GABRB2: variants seen among roughly 807,000 people sequenced by gnomAD.
The protein encoded by GABRB2 is gamma-aminobutyric acid receptor subunit beta-2.
GABRB2 carries 16 observed loss-of-function variants against 54.7 expected under a neutral mutation model. That is an observed-to-expected ratio of 0.29 (90% CI 0.20 to 0.44). The LOEUF (loss-of-function observed/expected upper bound fraction) is 0.44. Among genes scored for constraint, GABRB2 ranks in the 20% least tolerant of loss-of-function variants. GABRB2 has a pLI of 1.00. For synonymous variants in GABRB2, 244 were observed against 233.8 expected (o/e 1.04, Z -0.40); for missense variants, 355 against 644.0 (o/e 0.55, Z 4.86).
chr5:161,509,379 G>C (rs1192456402), intron 3 of GABRB2, among the ~76,000 whole-genome samples: 2 of 101,886 alleles, frequency 2.0e-5, no homozygotes, highest in South Asian at 3.1e-4. Context: ...TTCAATTTTA[G>C]CACTTCCCAC....
chr5:161,406,822 C>A (rs867876661), intron 5 of GABRB2, among the ~76,000 whole-genome samples: 6 of 152,002 alleles, frequency 3.9e-5, no homozygotes, highest in Non-Finnish European at 5.9e-5. Flanking sequence ...AGATGCCTGA[C>A]TGTCTGTCTC....
At chr5:161,524,127 T>C (rs1360852539) in intron 3 of GABRB2, among the ~76,000 whole-genome samples, 1 of 151,302 alleles carries the variant, frequency 6.6e-6, no homozygotes, top group African/African-American at 2.4e-5. Flanking sequence ...TCTGAGATTA[T>C]TTCTTCAGTA....
chr5:161,526,390 A>G (rs1189995729), intron 3 of GABRB2, among the ~76,000 whole-genome samples: 5 of 151,374 alleles, frequency 3.3e-5, no homozygotes, highest in Admixed American at 3.3e-4. Context: ...ACTCTAAAAC[A>G]GGTGTATGAG....
intron 8 of GABRB2, among the ~76,000 whole-genome samples, chr5:161,327,894 C>T (rs891903626): frequency 6.6e-6 from 1 of 152,014 alleles, no homozygotes; most frequent in Non-Finnish European, 1.5e-5. Context: ...AAAGAAGGGA[C>T]ATTCTTGATA....
At chr5:161,488,850 T>C (rs919812083) in intron 3 of GABRB2, among the ~76,000 whole-genome samples, 2 of 151,794 alleles carry the variant, frequency 1.3e-5, no homozygotes, top group Admixed American at 1.3e-4. Context: ...AAGCAATTGG[T>C]GTCATTCCTA....
At chr5:161,406,762 T>TA (rs1356977083) in intron 5 of GABRB2, among the ~76,000 whole-genome samples, 24 of 152,214 alleles carry the variant, frequency 1.6e-4, no homozygotes, top group Admixed American at 5.2e-4. Context: ...TCTGATGCTG[T>TA]CACAAAGGGC....
At chr5:161,362,291 T>C (rs1326257660) in intron 5 of GABRB2, among the ~76,000 whole-genome samples, 1 of 152,200 alleles carries the variant, frequency 6.6e-6, no homozygotes, top group African/African-American at 2.4e-5. Context: ...AAATGTAAAG[T>C]AGTTTTTTTC....
At chr5:161,328,644 T>C (rs1245888194) in intron 8 of GABRB2, among the ~76,000 whole-genome samples, 2 of 152,086 alleles carry the variant, frequency 1.3e-5, no homozygotes, top group Admixed American at 6.5e-5. Context: ...TCAAAGAAAA[T>C]GGAGAAACAA....
chr5:161,316,375 G>C (rs74769587), intron 9 of GABRB2, among the ~76,000 whole-genome samples: 8 of 152,258 alleles, frequency 5.3e-5, no homozygotes, highest in African/African-American at 1.9e-4. Flanking sequence ...AAATATTAGA[G>C]GTGACTTTGT....
At chr5:161,442,312 TAAAG>T (rs1053515246) in intron 4 of GABRB2, among the ~76,000 whole-genome samples, 2 of 151,776 alleles carry the variant, frequency 1.3e-5, no homozygotes, top group African/African-American at 4.8e-5. Flanking sequence ...ATGAAAAAAA[TAAAG>T]AAACATGTAA....
intron 7 of GABRB2, among the ~76,000 whole-genome samples, chr5:161,332,090 C>T (rs1373831768): frequency 2.8e-5 from 4 of 142,050 alleles, no homozygotes; most frequent in East Asian, 2.1e-4. Flanking sequence ...GGCGTGAACC[C>T]GGGAGGCGGA....
chr5:161,442,535 C>T (rs532682893), intron 4 of GABRB2, among the ~76,000 whole-genome samples: 1 of 152,304 alleles, frequency 6.6e-6, no homozygotes, highest in South Asian at 2.1e-4. Flanking sequence ...GGGATCTCCT[C>T]TTGTCAGCAC....
rs762381690 is a variant in GABRB2, at chr5:161,294,340, G to A, written c.1280C>T (p.Pro427Leu). The change falls in exon 10 of 10, where the codon CCC (proline) becomes CTC (leucine). Residue 427 changes from proline (P) to leucine (L), a missense_variant. Around this residue, in one of 6 missense-constraint regions of GABRB2, gnomAD observed 201 missense variants for 228.1 expected, o/e 0.88. Coordinates refer to ENST00000393959, the MANE Select transcript of GABRB2 (RefSeq NM_001371727.1). ...TSEAVMGLGD[P>L]RSTMLAYDAS... ...ATCATAGGCTAGCATTGTGCTTCTG[G>A]GGTCTCCAAGTCCCATCACAGCCTC... 5 of 1,613,952 alleles carry A rather than the reference G, an allele frequency of 3.1e-6. No individual in the cohort carries two copies. The East Asian group carries it at 1.1e-4, about 36-fold the overall frequency.
At chr5:161,508,531 C>A (rs191485632) in intron 3 of GABRB2, among the ~76,000 whole-genome samples, 1 of 151,922 alleles carries the variant, frequency 6.6e-6, no homozygotes, top group East Asian at 1.9e-4. Flanking sequence ...TCTTGTCTCC[C>A]ACGATGATGT....
At chr5:161,444,537 A>G (rs988376567) in intron 4 of GABRB2, among the ~76,000 whole-genome samples, 1 of 152,194 alleles carries the variant, frequency 6.6e-6, no homozygotes, top group Non-Finnish European at 1.5e-5. Flanking sequence ...TGCAAATGAT[A>G]ACATAACATA....
intron 9 of GABRB2, among the ~76,000 whole-genome samples, chr5:161,313,686 G>A (rs537999192): frequency 1.1e-4 from 17 of 152,332 alleles, no homozygotes; most frequent in Admixed American, 3.9e-4. Context: ...GGCAGCTGCT[G>A]TTCCAAGCAC....
At chr5:161,423,189 G>A (rs1448356193) in intron 4 of GABRB2, among the ~76,000 whole-genome samples, 1 of 151,982 alleles carries the variant, frequency 6.6e-6, no homozygotes, top group Non-Finnish European at 1.5e-5. Flanking sequence ...ATGCATTCTA[G>A]TTTTTGATAT....
At chr5:161,472,144 T>G (rs769692659) in intron 3 of GABRB2, among the ~76,000 whole-genome samples, 3 of 151,882 alleles carry the variant, frequency 2.0e-5, no homozygotes, top group Non-Finnish European at 4.4e-5. Context: ...CTACAAATGT[T>G]TGTTATTATT....
chr5:161,503,734 T>C (rs892110309), intron 3 of GABRB2, among the ~76,000 whole-genome samples: 3 of 137,354 alleles, frequency 2.2e-5, no homozygotes, highest in Admixed American at 7.3e-5. Flanking sequence ...AAAAGTAAAA[T>C]GTAATGAAAT....
Sources: allele counts gnomAD v4.1 joint callset (sites outside exome capture counted in the v4.1 genomes callset), GRCh38; gene constraint gnomAD v4.1.1; regional missense constraint gnomAD v4.1.1; transcripts MANE v1.5; gene names NCBI Gene and HGNC (gene_info 2026-07-23, HGNC 2026-07-21).